The following ICAM3 variants were observed in gnomAD, a reference collection of about 807,000 sequenced individuals.
ICAM3 encodes intercellular adhesion molecule 3, also known as ICAM-3.
In ICAM3, 54 loss-of-function variants were observed where a neutral mutation model predicts 43.6. The ratio of observed to expected loss-of-function variants is 1.24; its 90% CI spans 0.99 to 1.55. The LOEUF is 1.55. Ranked by LOEUF, ICAM3 falls within the 40% of genes most tolerant of loss-of-function variation. The pLI is 0.00. For synonymous variants in ICAM3, 306 were observed against 312.6 expected (o/e 0.98, Z 0.22); for missense variants, 715 against 717.9 (o/e 1.00, Z 0.05).
At chr19:10,338,098 C>CAAA (rs59309783) in intron 2 of ICAM3, among the ~76,000 whole-genome samples, 168 of 132,412 alleles carry the variant, frequency 1.3e-3, no homozygotes, top group African/African-American at 4.5e-3. Flanking sequence ...GACGCCATCT[C>CAAA]AAAAAAAAAA....
At chr19:10,338,986 T>C (rs1224358077) in intron 1 of ICAM3, 38 bp from the exon 2 acceptor site, 1 of 1,605,288 alleles carries the variant, frequency 6.2e-7, no homozygotes, top group East Asian at 2.2e-5. Context: ...TTTGTTTCCT[T>C]GTCCCCCAAC....
In ICAM3 at chr19:10,335,803, C is replaced by T. The variant is rs1568317945; in HGVS notation, c.517G>A (p.Val173Ile). 1.9e-6 allele frequency: 3 copies of T among 1,612,442 alleles called. No homozygotes were observed. The highest frequency in any genetic ancestry group is 1.7e-5 in the Admixed American group (1 of 59,904). ...CTGCTGGCCAGCACAGTGGCAGTGA[C>T]CTCCGCTGGCTCCTCCACTGCGGGC... ...RQPAVEEPAE[V>I]TATVLASRDD... Residue 173 changes from valine (V) to isoleucine (I), a missense_variant, in exon 3 of 7, where the codon GTC becomes ATC. Transcript: ENST00000160262.
Position 10,334,976 on chromosome 19 carries a change from G to A in ICAM3, c.937+90C>T. On this transcript the variant is annotated intron_variant, in intron 4 of 6. Transcript: ENST00000160262. The surrounding 1 kb of genome is among the most constrained non-coding windows in gnomAD (Gnocchi z 5.5). Reference sequence around the variant, plus strand: ...CACGTTGCAACTGCTATTGGGGCAAGCCAGGCCCCACCTTTTCGGCTAGTC... The same window carrying A: ...CACGTTGCAACTGCTATTGGGGCAAACCAGGCCCCACCTTTTCGGCTAGTC... The A allele has an allele frequency of 2.0e-6, 3 of 1,528,338 alleles. No individual in the cohort carries two copies. The highest frequency in any genetic ancestry group is 2.7e-6 in the Non-Finnish European group (3 of 1,129,894). The allele number at this position is 1,528,338 out of a possible 1,614,324, so 94.7% of individuals were successfully genotyped here. A position where few individuals can be genotyped will look rare whatever the true frequency, so the allele number is the denominator to read the frequency against.
Position 10,334,107 on chromosome 19 carries a change from C to CCCCCCCCCCCCCCCGCGTACCCGTCCAAA in ICAM3, c.1442-49_1442-48insTTTGGACGGGTACGCGGGGGGGGGGGGGG. The CCCCCCCCCCCCCCCGCGTACCCGTCCAAA allele has an allele frequency of 6.3e-7, 1 of 1,575,256 alleles. No individual in the cohort carries two copies. On this transcript the variant is annotated intron_variant, in intron 6 of 6. Transcript: ENST00000160262. This position sits in a 1 kb window ranked among gnomAD's most constrained non-coding sequence, Gnocchi z 5.5. ...CAATATGCGTCCCTTCTGTCTCCAA[C>CCCCCCCCCCCCCCCGCGTACCCGTCCAAA]CCCCCCGCCCCCCGGCTTACCGGTC...
In ICAM3 at chr19:10,334,110, C is replaced by A; in HGVS notation, c.1441+50G>T. On this transcript the variant is annotated intron_variant, in intron 6 of 6. Coordinates refer to ENST00000160262, the MANE Select transcript of ICAM3 (RefSeq NM_002162.5). The surrounding 1 kb of genome is among the most constrained non-coding windows in gnomAD (Gnocchi z 5.5). ...TATGCGTCCCTTCTGTCTCCAACCC[C>A]CCCGCCCCCCGGCTTACCGGTCCAG... The A allele has an allele frequency of 1.2e-6, 2 of 1,608,042 alleles. No individual in the cohort carries two copies. Among genetic ancestry groups the A allele is most frequent in the South Asian group, 1.1e-5 (1 of 90,930 alleles).
rs1237141379 is a variant in ICAM3, at chr19:10,338,901, C to CAGG, written c.121_123dup (p.Pro41dup). On this transcript the variant is annotated inframe_insertion, in exon 2 of 7. Transcript: ENST00000160262. ...AACAGGGACCCTCCAGCAGAGAGCA[C>CAGG]AGGGTTCTGGGGCTCCACCCGCAAA... is the stretch of plus-strand genomic sequence containing the variant. 1.7e-5 allele frequency: 27 copies of CAGG among 1,613,944 alleles called. No individual in the cohort carries two copies. In the Middle Eastern group the frequency reaches 8.2e-4, roughly 49 times the overall value.
Position 10,335,336 on chromosome 19 carries a change from G to A in ICAM3, c.667C>T (p.Pro223Ser), listed in dbSNP as rs878913146. The A allele has an allele frequency of 1.2e-6, 2 of 1,608,266 alleles. No individual in the cohort carries two copies. Among genetic ancestry groups the A allele is most frequent in the Non-Finnish European group, 1.7e-6 (2 of 1,179,056 alleles). ...AAGAACCGGGGGGCCACGAGGCGCG[G>A]GGGGGTCACGGGCAGGACTGGGGAG... ...LRTFVLPVTPPRLVAPRFLEV... is the reference protein window; with the variant it reads ...LRTFVLPVTPSRLVAPRFLEV... The change falls in exon 4 of 7, where the codon CCG (proline) becomes TCG (serine). Residue 223 changes from proline (P) to serine (S), a missense_variant. Physicochemically the swap from Pro to Ser is moderately conservative, Grantham distance 74. Coordinates refer to ENST00000160262, the MANE Select transcript of ICAM3 (RefSeq NM_002162.5).
In ICAM3 at chr19:10,334,064, G is replaced by T; in HGVS notation, c.1442-5C>A. ...GGACAAAGTGGGAGCTCCCAGCTGT[G>T]CAGAGAAAGCGCTAAGTCAATATGC... On this transcript the variant is annotated splice_region_variant and splice_polypyrimidine_tract_variant and intron_variant, in intron 6 of 6. Transcript: ENST00000160262. This position sits in a 1 kb window ranked among gnomAD's most constrained non-coding sequence, Gnocchi z 5.5. The T allele has an allele frequency of 6.2e-7, 1 of 1,613,912 alleles. No homozygotes were observed. Among genetic ancestry groups the T allele is most frequent in the East Asian group, 2.2e-5 (1 of 44,872 alleles).
chr19:10,338,751 T>C lies in ICAM3; in HGVS notation c.274A>G (p.Ser92Gly). 1.2e-6 allele frequency: 2 copies of C among 1,614,192 alleles called. No individual in the cohort carries two copies. The highest frequency in any genetic ancestry group is 1.7e-6 in the Non-Finnish European group (2 of 1,180,026). Residue 92 changes from serine to glycine, a missense_variant, in exon 2 of 7, where the codon AGT (serine) becomes GGT (glycine). Ser to Gly is a moderately conservative substitution (Grantham distance 56, BLOSUM62 0). Transcript: ENST00000160262. ...CAGTACACTGAGCAGAGGATCCGAC[T>C]GTTGCCAGTCACGTTGCTGAGATTG... is the stretch of plus-strand genomic sequence containing the variant. ...AFNLSNVTGNSRILCSVYCNG... is the reference protein window; with the variant it reads ...AFNLSNVTGNGRILCSVYCNG...
In ICAM3 at chr19:10,338,822, G is replaced by T. The variant is rs372114632; in HGVS notation, c.203C>A (p.Ser68Tyr). Residue 68 changes from serine (S) to tyrosine (Y), a missense_variant, in exon 2 of 7, where the codon TCC becomes TAC. Transcript: ENST00000160262. The stretch of plus-strand genomic sequence containing the variant: ...ACTGGCCACCAGCTCCTTTGATAGG[G>T]ACGTCTCCAAGGCGATTTTCTCAGA... ...PSSEKIALET[S>Y]LSKELVASGM... 1.9e-6 allele frequency: 3 copies of T among 1,614,058 alleles called. No homozygotes were observed. The African/African-American group carries it at 4.0e-5, about 22-fold the overall frequency.
rs1259566670 is a variant in ICAM3, at chr19:10,333,954, C to T, written c.1547G>A (p.Ser516Asn). The T allele has an allele frequency of 6.2e-7, 1 of 1,614,176 alleles. No homozygotes were observed. Among genetic ancestry groups the T allele is most frequent in the Non-Finnish European group, 8.5e-7 (1 of 1,180,030 alleles). The part of the protein sequence containing the change: ...LMYVFREHQR[S>N]GSYHVREEST... ...CTCCTCCCTAACATGGTAACTGCCG[C>T]TCCGTTGGTGCTCCCTGAAGACGTA... is the stretch of plus-strand genomic sequence containing the variant. Residue 516 changes from serine to asparagine, a missense_variant, in exon 7 of 7, where the codon AGC becomes AAC. Transcript: ENST00000160262. The surrounding 1 kb of genome is among the most constrained non-coding windows in gnomAD (Gnocchi z 4.2).
intron 2 of ICAM3, chr19:10,336,198 A>G (rs2040597084): frequency 3.9e-6 from 2 of 507,236 alleles, no homozygotes; most frequent in Middle Eastern, 5.2e-4. Flanking sequence ...GCTAAACAAA[A>G]CTTTCTGTTC....
intron 1 of ICAM3, chr19:10,339,181 G>C: frequency 1.7e-6 from 1 of 597,068 alleles, no homozygotes; most frequent in Non-Finnish European, 3.0e-6. Context: ...TCCTGGAAGC[G>C]GGGACCATTG....
At chr19:10,338,661 C>A (rs756575960) in intron 2 of ICAM3, 21 bp downstream of exon 2, 9 of 1,612,096 alleles carry the variant, frequency 5.6e-6, no homozygotes, top group Non-Finnish European at 7.6e-6. Context: ...ACCAGTCCCA[C>A]CTCCGGACAC....
Position 10,338,688 on chromosome 19 carries a change from C to T in ICAM3, c.337G>A (p.Val113Met), listed in dbSNP as rs748294276. The stretch of plus-strand genomic sequence containing the variant: ...TCCGGACACGTCGACTCACTGTACA[C>T]GGTGATGTTAGAGGAGCCTGTTATC... The part of the protein sequence containing the change: ...SQITGSSNIT[V>M]YRLPERVELA... Residue 113 changes from valine (V) to methionine (M), a missense_variant, in exon 2 of 7, where the codon GTG becomes ATG. Physicochemically the swap from Val to Met is conservative, Grantham distance 21. Coordinates refer to ENST00000160262, the MANE Select transcript of ICAM3 (RefSeq NM_002162.5). 79 of 1,613,892 alleles carry T rather than the reference C, an allele frequency of 4.9e-5. No homozygotes were observed. Among genetic ancestry groups the T allele is most frequent in the Non-Finnish European group, 6.2e-5 (73 of 1,179,978 alleles).
intron 2 of ICAM3, 125 bp from the exon 3 acceptor site, chr19:10,336,101 G>A (rs531655402): frequency 4.7e-6 from 4 of 846,384 alleles, no homozygotes; most frequent in South Asian, 1.8e-5. Context: ...AAACTTAGAG[G>A]GCTTAGAGCT....
chr19:10,335,184 C>G lies in ICAM3; in HGVS notation c.819G>C (p.Thr273=). The G allele has an allele frequency of 6.2e-7, 1 of 1,613,808 alleles. No homozygotes were observed. Among genetic ancestry groups the G allele is most frequent in the Non-Finnish European group, 8.5e-7 (1 of 1,180,020 alleles). Residue 273 remains threonine, a synonymous_variant, in exon 4 of 7, where the codon ACG becomes ACC. Coordinates refer to ENST00000160262, the MANE Select transcript of ICAM3 (RefSeq NM_002162.5). ...LNATVMNHGD[T]LTATATATAR... ...CCGTGGCTGTGGCTGTGGCCGTTAGCGTGTCCCCGTGGTTCATGACTGTCG... is the reference window on the plus strand; with the variant it reads ...CCGTGGCTGTGGCTGTGGCCGTTAGGGTGTCCCCGTGGTTCATGACTGTCG...
At position 10,335,133 on chromosome 19, in the gene ICAM3, C is replaced by T; in HGVS notation, c.870G>A (p.Arg290=). 2 of 1,613,848 alleles carry T rather than the reference C, an allele frequency of 1.2e-6. No individual in the cohort carries two copies. The highest frequency in any genetic ancestry group is 1.7e-6 in the Non-Finnish European group (2 of 1,179,998). Residue 290 remains arginine, a synonymous_variant, in exon 4 of 7, where the codon CGG becomes CGA. Coordinates refer to ENST00000160262, the MANE Select transcript of ICAM3 (RefSeq NM_002162.5). ...ATARADQEGA[R]EIVCNVTLGG... ...CTAGGGTCACGTTGCAGACGATCTCCCGGGCACCCTCCTGATCCGCGCGCG... is the reference window on the plus strand; with the variant it reads ...CTAGGGTCACGTTGCAGACGATCTCTCGGGCACCCTCCTGATCCGCGCGCG...
At position 10,334,372 on chromosome 19, in the gene ICAM3, T is replaced by C. The variant is rs1309485320; in HGVS notation, c.1229A>G (p.His410Arg). The change falls in exon 6 of 7, where the codon CAC becomes CGC. Residue 410 changes from histidine (H) to arginine (R), a missense_variant. Coordinates refer to ENST00000160262, the MANE Select transcript of ICAM3 (RefSeq NM_002162.5). This position sits in a 1 kb window ranked among gnomAD's most constrained non-coding sequence, Gnocchi z 5.5. ...TCTCGTTTTATCTTTCCATTTCAAGTGCTGGGGGCATGTGGCTCGGTCAAT... is the reference window on the plus strand; with the variant it reads ...TCTCGTTTTATCTTTCCATTTCAAGCGCTGGGGGCATGTGGCTCGGTCAAT... ...PKIDRATCPQ[H>R]LKWKDKTRHV... is the part of the protein sequence containing the mutation. The C allele has an allele frequency of 1.2e-6, 2 of 1,614,134 alleles. No homozygotes were observed. The highest frequency in any genetic ancestry group is 1.7e-6 in the Non-Finnish European group (2 of 1,180,030).
Sources: allele counts gnomAD v4.1 joint callset (sites outside exome capture counted in the v4.1 genomes callset), GRCh38; gene constraint gnomAD v4.1.1; non-coding constraint Gnocchi (gnomAD v3.1); transcripts MANE v1.5; gene names NCBI Gene and HGNC (gene_info 2026-07-23, HGNC 2026-07-21).